Variants in SRP72 observed in about 807,000 individuals in gnomAD.
SRP72 encodes the protein signal recognition particle 72.
A neutral mutation model predicts 96.3 loss-of-function variants in SRP72; 49 were observed. That is an observed-to-expected ratio of 0.51 (90% CI 0.40 to 0.65). The LOEUF (loss-of-function observed/expected upper bound fraction) is 0.65, where lower values mean the gene tolerates loss of function less well. Among genes scored for constraint, SRP72 ranks in the 30% least tolerant of loss-of-function variants. The probability of loss-of-function intolerance (pLI) is 0.00; values close to 1 mark genes in which losing one functional copy is unlikely to be tolerated. For missense variants in SRP72, 736 were observed against 793.3 expected (o/e 0.93, Z 0.87); for synonymous variants, 267 against 275.2 (o/e 0.97, Z 0.30).
intron 5 of SRP72, chr4:56,476,171 A>G (rs1720214449): frequency 6.2e-6 from 1 of 161,026 alleles, no homozygotes; most frequent in Non-Finnish European, 1.3e-5. Context: ...AGTCCCAGCT[A>G]CTTGGGAGGC....
chr4:56,488,794 T>C (rs554816609), intron 12 of SRP72, among the ~76,000 whole-genome samples: 8 of 152,334 alleles, frequency 5.3e-5, no homozygotes, highest in Admixed American at 4.6e-4. Context: ...GTTATTCATG[T>C]ATTTTTTTCT....
intron 8 of SRP72, 49 bp downstream of exon 8, chr4:56,478,698 A>G (rs1250633597): frequency 6.4e-7 from 1 of 1,566,632 alleles, no homozygotes; most frequent in East Asian, 2.3e-5. Flanking sequence ...CTGAAAGCTC[A>G]TCACCCTAGT....
chr4:56,474,945 A>G (rs553489390), intron 5 of SRP72, among the ~76,000 whole-genome samples: 143 of 152,316 alleles, frequency 9.4e-4, no homozygotes, highest in African/African-American at 3.0e-3. Context: ...TTGGCCTCCT[A>G]AAGTGCTGGG....
Position 56,494,059 on chromosome 4 carries a change from C to T in SRP72, c.1641-1298C>T, listed in dbSNP as rs557349578. 3.3e-5 allele frequency among the ~76,000 whole-genome samples: 5 copies of T among 152,112 alleles called. No individual in the cohort carries two copies. In the South Asian group the frequency reaches 6.2e-4, roughly 19 times the overall value. Reference sequence around the variant, plus strand: ...GTGTTGACTCTGAGGAAGATGAGGACGAGGTAGGCAAAGGGTGAGCTAAGG... The same window carrying T: ...GTGTTGACTCTGAGGAAGATGAGGATGAGGTAGGCAAAGGGTGAGCTAAGG... On this transcript the variant is annotated intron_variant, in intron 16 of 18. Coordinates refer to ENST00000642900, the MANE Select transcript of SRP72 (RefSeq NM_006947.4).
At chr4:56,471,001 C>T (rs986965035) in intron 2 of SRP72, among the ~76,000 whole-genome samples, 1 of 152,148 alleles carries the variant, frequency 6.6e-6, no homozygotes, top group Admixed American at 6.5e-5. Context: ...AGGGTTTTGC[C>T]GTGTTGGCCA....
At chr4:56,486,536 A>C (rs1425627368) in intron 11 of SRP72, 139 bp downstream of exon 11, 1 of 626,386 alleles carries the variant, frequency 1.6e-6, no homozygotes, top group Non-Finnish European at 2.6e-6. Context: ...ATGCAGCTAG[A>C]TTGTATGATC....
chr4:56,479,709 T>A (rs1720405098), intron 8 of SRP72, among the ~76,000 whole-genome samples: 1 of 150,732 alleles, frequency 6.6e-6, no homozygotes, highest in Non-Finnish European at 1.5e-5. Context: ...TTTAAACTCC[T>A]GGGCTCAACA....
Position 56,474,060 on chromosome 4 carries a change from C to T in SRP72, c.361C>T (p.Arg121Cys), listed in dbSNP as rs750965565. The T allele has an allele frequency of 3.1e-6, 5 of 1,611,454 alleles. No individual in the cohort carries two copies. The highest frequency in any genetic ancestry group is 2.2e-5 in the East Asian group (1 of 44,854). Residue 121 changes from arginine (R) to cysteine (C), a missense_variant, in exon 4 of 19, where the codon CGT becomes TGT. Transcript: ENST00000642900. ...CTTGCTATTTATTATTCAGTTATAC[C>T]GTTTGGAACGCTATGATGAATGCTT... Reference protein sequence around the residue: ...LKELYGQVLYRLERYDECLAV... With the variant: ...LKELYGQVLYCLERYDECLAV...
intron 5 of SRP72, 94 bp from the exon 6 acceptor site, chr4:56,476,577 T>C: frequency 7.5e-7 from 1 of 1,329,682 alleles, no homozygotes; most frequent in Non-Finnish European, 1.1e-6. Flanking sequence ...TCTTGGAATC[T>C]TCTGCTTAGG....
chr4:56,494,166 A>G (rs1721000112), intron 16 of SRP72, among the ~76,000 whole-genome samples: 1 of 133,946 alleles, frequency 7.5e-6, no homozygotes, highest in Non-Finnish European at 1.6e-5. Context: ...ACAATTTAGA[A>G]TACTATTGCA....
chr4:56,473,721 C>T (rs1277795916), intron 3 of SRP72, among the ~76,000 whole-genome samples: 7 of 151,560 alleles, frequency 4.6e-5, no homozygotes, highest in African/African-American at 9.7e-5. Context: ...GCCAAGATCG[C>T]GCCATTGCTC....
rs1055972783 is a variant in SRP72, at chr4:56,489,428, T to C, written c.1265T>C (p.Ile422Thr). The C allele has an allele frequency of 3.7e-6, 6 of 1,603,350 alleles. No individual in the cohort carries two copies. The highest frequency in any genetic ancestry group is 3.3e-5 in the Admixed American group (2 of 59,864). Reference sequence around the variant, plus strand: ...ACCATGTATAGCCATGAAGAAGATATTGATAGTGCCATTGAGGTCTTCACA... The same window carrying C: ...ACCATGTATAGCCATGAAGAAGATACTGATAGTGCCATTGAGGTCTTCACA... ...LVTMYSHEED[I>T]DSAIEVFTQA... The change falls in exon 13 of 19, where the codon ATT (isoleucine) becomes ACT (threonine). Residue 422 changes from isoleucine (I) to threonine (T), a missense_variant. Transcript: ENST00000642900.
intron 17 of SRP72, among the ~76,000 whole-genome samples, chr4:56,497,796 A>C (rs1295355913): frequency 1.3e-5 from 2 of 152,194 alleles, no homozygotes; most frequent in Non-Finnish European, 2.9e-5. Flanking sequence ...CACAAAGGCT[A>C]TACCAGTATA....
intron 2 of SRP72, 87 bp from the exon 3 acceptor site, chr4:56,471,622 TATCAGGACTAA>T: frequency 7.2e-7 from 1 of 1,394,378 alleles, no homozygotes. Context: ...TCTCATCTGT[TATCAGGACTAA>T]ATCCAGTGTT....
At chr4:56,482,467 A>G (rs987226408) in intron 8 of SRP72, among the ~76,000 whole-genome samples, 1 of 151,808 alleles carries the variant, frequency 6.6e-6, no homozygotes, top group African/African-American at 2.4e-5. Context: ...AAAGGTATGT[A>G]CTTGTTTTCA....
intron 17 of SRP72, among the ~76,000 whole-genome samples, chr4:56,499,076 C>A (rs1179140067): frequency 6.6e-6 from 1 of 152,104 alleles, no homozygotes; most frequent in Non-Finnish European, 1.5e-5. Flanking sequence ...GATCTGTAGA[C>A]CAATGGAACA....
intron 16 of SRP72, among the ~76,000 whole-genome samples, chr4:56,494,857 T>C (rs1475044869): frequency 6.6e-6 from 1 of 151,870 alleles, no homozygotes; most frequent in Non-Finnish European, 1.5e-5. Context: ...AGTGTAAGAG[T>C]AAGTAAAAAG....
intron 5 of SRP72, 127 bp downstream of exon 5, chr4:56,474,518 C>A: frequency 3.7e-6 from 3 of 811,798 alleles, no homozygotes; most frequent in African/African-American, 1.8e-5. Context: ...ACAATTTCTC[C>A]AAGTTCCTGT....
chr4:56,479,519 CTTTTT>C (rs750135655), intron 8 of SRP72, among the ~76,000 whole-genome samples: 1 of 138,016 alleles, frequency 7.2e-6, no homozygotes. Context: ...TTCTTTCTTT[CTTTTT>C]TTTTTTTTTT....
Sources: allele counts gnomAD v4.1 joint callset (sites outside exome capture counted in the v4.1 genomes callset), GRCh38; gene constraint gnomAD v4.1.1; transcripts MANE v1.5; gene names NCBI Gene and HGNC (gene_info 2026-07-23, HGNC 2026-07-21).